Variants in AUTS2 observed in about 807,000 individuals in gnomAD.
The protein encoded by AUTS2 is autism susceptibility gene 2 protein.
AUTS2 carries 17 observed loss-of-function variants against 112.4 expected under a neutral mutation model. The observed-to-expected ratio is 0.15, with a 90% CI of 0.10 to 0.23. AUTS2 has a LOEUF of 0.23. AUTS2 is among the 10% of genes least tolerant of loss of function. The pLI, the probability that AUTS2 is intolerant of heterozygous loss-of-function variation, is 1.00. For synonymous variants in AUTS2, 751 were observed against 702.7 expected (o/e 1.07, Z -1.09); for missense variants, 1,510 against 1,701.6 (o/e 0.89, Z 1.98).
chr7:70,743,619 C>T (rs1056143744), intron 6 of AUTS2, among the ~76,000 whole-genome samples: 1 of 152,070 alleles, frequency 6.6e-6, no homozygotes, highest in Non-Finnish European at 1.5e-5. Flanking sequence ...ATTTGTCGTG[C>T]ATTGATCTGG....
At chr7:70,593,871 G>A (rs957169439) in intron 5 of AUTS2, among the ~76,000 whole-genome samples, 1 of 152,178 alleles carries the variant, frequency 6.6e-6, no homozygotes, top group East Asian at 1.9e-4. Context: ...ATTCTATAGA[G>A]AGGCAGGAGA....
chr7:70,477,234 G>A (rs1797617499), intron 5 of AUTS2, among the ~76,000 whole-genome samples: 1 of 152,076 alleles, frequency 6.6e-6, no homozygotes, highest in Non-Finnish European at 1.5e-5. Flanking sequence ...ATATTTTTCA[G>A]TTGCCAACAG....
chr7:69,970,750 T>C (rs781257039), intron 2 of AUTS2, among the ~76,000 whole-genome samples: 1 of 152,216 alleles, frequency 6.6e-6, no homozygotes, highest in Non-Finnish European at 1.5e-5. Context: ...ACCTTGTATA[T>C]ACATAATACA....
At chr7:70,426,237 A>T (rs184967202) in intron 4 of AUTS2, among the ~76,000 whole-genome samples, 13 of 152,242 alleles carry the variant, frequency 8.5e-5, no homozygotes, top group Admixed American at 7.8e-4. Context: ...CCTGAGTCTT[A>T]AGCACCCTTC....
At chr7:70,090,444 A>G (rs999491313) in intron 2 of AUTS2, among the ~76,000 whole-genome samples, 17 of 151,466 alleles carry the variant, frequency 1.1e-4, no homozygotes, top group African/African-American at 2.4e-4. Flanking sequence ...GCTCACTGCA[A>G]TCTTCACCTC....
chr7:70,454,722 A>G (rs1796665708), intron 5 of AUTS2, among the ~76,000 whole-genome samples: 1 of 152,016 alleles, frequency 6.6e-6, no homozygotes, highest in Admixed American at 6.5e-5. Context: ...AACTCTGCCT[A>G]TCTCTGGAAT....
chr7:69,628,432 G>A (rs2533446), intron 1 of AUTS2, among the ~76,000 whole-genome samples: 108,374 of 152,086 alleles, frequency 0.71, 38,669 homozygotes, highest in East Asian at 0.78. Context: ...ATAGGCAGTT[G>A]AATTTAGAGG....
At chr7:70,450,313 A>AGGAATGGCATGATGTAT (rs1231541975) in intron 5 of AUTS2, among the ~76,000 whole-genome samples, 6 of 152,212 alleles carry the variant, frequency 3.9e-5, no homozygotes, top group Admixed American at 2.0e-4. Flanking sequence ...GCTGTTTCTG[A>AGGAATGGCATGATGTAT]GGAATGGCAT....
At chr7:69,920,545 C>T (rs1795769057) in intron 2 of AUTS2, among the ~76,000 whole-genome samples, 1 of 152,186 alleles carries the variant, frequency 6.6e-6, no homozygotes, top group Non-Finnish European at 1.5e-5. Context: ...CATGGCCTCC[C>T]AAAGTGCTTG....
intron 6 of AUTS2, among the ~76,000 whole-genome samples, chr7:70,746,067 A>G (rs1439555784): frequency 6.6e-6 from 1 of 152,238 alleles, no homozygotes; most frequent in East Asian, 1.9e-4. Context: ...GCAGAATCGA[A>G]GTAAAGGCAA....
chr7:70,540,076 A>G (rs1358348330), intron 5 of AUTS2, among the ~76,000 whole-genome samples: 1 of 152,074 alleles, frequency 6.6e-6, no homozygotes, highest in African/African-American at 2.4e-5. Flanking sequence ...CACTTAGACC[A>G]TAGCCTCAGG....
intron 2 of AUTS2, among the ~76,000 whole-genome samples, chr7:70,022,375 C>T (rs1800316481): frequency 6.6e-6 from 1 of 150,922 alleles, no homozygotes; most frequent in Non-Finnish European, 1.5e-5. Flanking sequence ...AGCTGGAGTG[C>T]TGTGGTGCGA....
intron 1 of AUTS2, among the ~76,000 whole-genome samples, chr7:69,852,882 C>G (rs1792551867): frequency 6.6e-6 from 1 of 152,088 alleles, no homozygotes; most frequent in African/African-American, 2.4e-5. Flanking sequence ...TTTGAGGCTT[C>G]CTGTTTGACC....
chr7:69,791,675 T>C (rs1285748489), intron 1 of AUTS2, among the ~76,000 whole-genome samples: 3 of 152,176 alleles, frequency 2.0e-5, no homozygotes. Flanking sequence ...AAAGAAATGT[T>C]TGGGTCTTTT....
intron 1 of AUTS2, among the ~76,000 whole-genome samples, chr7:69,856,453 C>G (rs1350592878): frequency 6.6e-6 from 1 of 152,194 alleles, no homozygotes; most frequent in Non-Finnish European, 1.5e-5. Flanking sequence ...CTGGTAATCT[C>G]AGTTCCTGCG....
intron 1 of AUTS2, among the ~76,000 whole-genome samples, chr7:69,660,031 A>G (rs985606169): frequency 6.6e-6 from 1 of 152,192 alleles, no homozygotes; most frequent in Non-Finnish European, 1.5e-5. Context: ...CCCTACTGAA[A>G]AATTACATTT....
intron 4 of AUTS2, among the ~76,000 whole-genome samples, chr7:70,355,300 C>G (rs368964960): frequency 1.6e-4 from 25 of 152,192 alleles, no homozygotes; most frequent in Non-Finnish European, 2.6e-4. Context: ...AAGAGCCCAT[C>G]TGTTGGCTCT....
intron 4 of AUTS2, among the ~76,000 whole-genome samples, chr7:70,379,754 T>C (rs1793284768): frequency 6.6e-6 from 1 of 152,200 alleles, no homozygotes; most frequent in African/African-American, 2.4e-5. Flanking sequence ...AGAGACTGAA[T>C]TTATTAATCT....
chr7:70,637,634 G>A (rs1311277525), intron 5 of AUTS2, among the ~76,000 whole-genome samples: 3 of 152,196 alleles, frequency 2.0e-5, no homozygotes, highest in Non-Finnish European at 4.4e-5. Context: ...TCAGGAGGTA[G>A]GAAGAGGTAG....
Sources: gnomAD v4.1 joint callset for allele counts (sites outside exome capture counted in the v4.1 genomes callset) on GRCh38, gnomAD v4.1.1 for gene constraint, MANE v1.5 for transcripts, NCBI Gene and HGNC (gene_info 2026-07-23, HGNC 2026-07-21) for gene names.